The following GCNT4 variants were observed in gnomAD, a reference collection of about 807,000 sequenced individuals.
GCNT4 encodes glucosaminyl (N-acetyl) transferase 4.
A neutral mutation model predicts 31.3 loss-of-function variants in GCNT4; 17 were observed. The ratio of observed to expected loss-of-function variants is 0.54; its 90% CI spans 0.37 to 0.81. The LOEUF is 0.81. GCNT4 is among the 40% of genes least tolerant of loss of function. The pLI is 0.00. For synonymous variants in GCNT4, 158 were observed against 190.6 expected, an observed-to-expected ratio of 0.83 and a Z score of 1.41; for missense variants, 503 against 525.5, an observed-to-expected ratio of 0.96 and a Z score of 0.42.
chr5:75,034,601 G>A (rs977009115), intron 3 of GCNT4, among the ~76,000 whole-genome samples: 1 of 152,194 alleles, frequency 6.6e-6, no homozygotes, highest in African/African-American at 2.4e-5. Flanking sequence ...CCCCACCCAC[G>A]GGAGAAGCGG....
At chr5:75,032,878 T>TGG (rs1743100222) in intron 3 of GCNT4, among the ~76,000 whole-genome samples, 2 of 48,652 alleles carry the variant, frequency 4.1e-5, no homozygotes, top group South Asian at 5.4e-4. Flanking sequence ...TAGGGGTGTG[T>TGG]GTGTGTGTGT....
At position 75,028,759 on chromosome 5, in the gene GCNT4, T is replaced by C. The variant is rs1350733693; in HGVS notation, c.1279A>G (p.Lys427Glu). ...DPILIKCLAE[K>E]LEEQQRDWIT... ...CAGTCTCTCTGCTGTTCTTCAAGCT[T>C]TTCTGCCAAGCATTTAATCAAGATA... The change falls in exon 4 of 4, where the codon AAG (lysine) becomes GAG (glutamate). Residue 427 changes from lysine (K) to glutamate (E), a missense_variant. Transcript: ENST00000652361. The C allele has an allele frequency of 6.2e-7, 1 of 1,614,040 alleles. No homozygotes were observed. Among genetic ancestry groups the C allele is most frequent in the Non-Finnish European group, 8.5e-7 (1 of 1,179,988 alleles).
chr5:75,048,094 A>G (rs1368702603), intron 2 of GCNT4, 57 bp from the exon 3 acceptor site: 4 of 152,214 alleles, frequency 2.6e-5, no homozygotes, highest in African/African-American at 9.6e-5. Flanking sequence ...TTAAATGCAA[A>G]CAATGATTGC....
At chr5:75,050,236 A>C (rs577974532) in intron 2 of GCNT4, among the ~76,000 whole-genome samples, 21 of 152,258 alleles carry the variant, frequency 1.4e-4, no homozygotes, top group African/African-American at 5.1e-4. Context: ...GAAGTAAATC[A>C]CTCGCAGTCA....
rs1409694055 is a variant in GCNT4, at chr5:75,029,434, TG to T, written c.603del (p.Arg202AspfsTer6). The stretch of plus-strand genomic sequence containing the variant: ...AAGCAATTTAAATCAGCCTGGAGTC[TG>T]GAAATGTGGGCATATTCCACAGCCT... ...KLEAVEYAHISRLQADLNCLS... is the reference protein window; with the variant it reads ...KLEAVEYAHIXRLQADLNCLS... On this transcript the variant is annotated frameshift_variant, in exon 4 of 4. Coordinates refer to ENST00000652361, the MANE Select transcript of GCNT4 (RefSeq NM_001366737.1). LOFTEE classifies it high-confidence loss of function. The T allele has an allele frequency of 1.2e-6, 2 of 1,614,170 alleles. No individual in the cohort carries two copies. Among genetic ancestry groups the T allele is most frequent in the Admixed American group, 3.3e-5 (2 of 60,032 alleles).
chr5:75,022,913 A>C (rs1460120542), downstream of GCNT4, among the ~76,000 whole-genome samples: 1 of 152,190 alleles, frequency 6.6e-6, no homozygotes, highest in Admixed American at 6.5e-5. Flanking sequence ...AGCAAGAGAG[A>C]TGGGGAGAAG....
chr5:75,020,293 G>A, the GCNT4 span, among the ~76,000 whole-genome samples: 1 of 152,214 alleles, frequency 6.6e-6, no homozygotes, highest in Non-Finnish European at 1.5e-5. Flanking sequence ...GCATGGCACG[G>A]CACAGCTTGC....
intron 3 of GCNT4, among the ~76,000 whole-genome samples, chr5:75,044,677 T>A (rs184695190): frequency 1.8e-4 from 28 of 152,072 alleles, no homozygotes; most frequent in Non-Finnish European, 3.4e-4. Flanking sequence ...GCGTGCTGCA[T>A]GCACTCCCGC....
chr5:75,022,290 T>C (rs1742889089), downstream of GCNT4, among the ~76,000 whole-genome samples: 1 of 152,200 alleles, frequency 6.6e-6, no homozygotes, highest in South Asian at 2.1e-4. Flanking sequence ...ATTTGGTCAT[T>C]ATTTTAAAAA....
chr5:75,036,983 A>G (rs1437303502), intron 3 of GCNT4, among the ~76,000 whole-genome samples: 1 of 152,212 alleles, frequency 6.6e-6, no homozygotes, highest in African/African-American at 2.4e-5. Flanking sequence ...GCCACCTTAA[A>G]GTTCTTAAAC....
the GCNT4 span, among the ~76,000 whole-genome samples, chr5:75,017,091 A>T: frequency 2.0e-5 from 3 of 152,134 alleles, no homozygotes; most frequent in African/African-American, 7.2e-5. Flanking sequence ...AGCCAGTCTT[A>T]CTCATCCTCA....
chr5:75,043,500 T>C (rs564509782), intron 3 of GCNT4, among the ~76,000 whole-genome samples: 2 of 152,312 alleles, frequency 1.3e-5, no homozygotes, highest in East Asian at 3.9e-4. Context: ...AGTTTTCCTA[T>C]AGGAGCCTGA....
chr5:75,034,776 C>A (rs73765652), intron 3 of GCNT4, among the ~76,000 whole-genome samples: 1 of 152,216 alleles, frequency 6.6e-6, no homozygotes, highest in Admixed American at 6.5e-5. Context: ...TCAGTAAAAA[C>A]CTACTCCTCA....
At chr5:75,017,377 C>T in the GCNT4 span, 1 of 152,214 alleles carries the variant, frequency 6.6e-6, no homozygotes, top group African/African-American at 2.4e-5. Context: ...TAACTCAACA[C>T]TGCCCACAGT....
At chr5:75,034,533 GA>G (rs770469672) in intron 3 of GCNT4, among the ~76,000 whole-genome samples, 3 of 152,216 alleles carry the variant, frequency 2.0e-5, no homozygotes, top group Non-Finnish European at 4.4e-5. Context: ...TTATGGGCAG[GA>G]AGCAGGCAAG....
rs1743586926 is a variant in GCNT4 at position 75,052,218 on chromosome 5, G to C, written c.-192C>G. ...TAGCCCCAACTCTGTTAATCTTCTGGTTTGTTGTTCTTCCATTTTTAAAGA... is the reference window on the plus strand; with the variant it reads ...TAGCCCCAACTCTGTTAATCTTCTGCTTTGTTGTTCTTCCATTTTTAAAGA... On this transcript the variant is annotated 5_prime_UTR_variant, in exon 2 of 4. Transcript: ENST00000652361. 7.1e-6 allele frequency: 1 copy of C among 140,406 alleles called. No homozygotes were observed. Among genetic ancestry groups the C allele is most frequent in the Non-Finnish European group, 1.5e-5 (1 of 65,432 alleles). 8.7% of individuals were successfully genotyped at this position (140,406 alleles called of 1,614,324 possible).
At chr5:75,018,062 C>A in the GCNT4 span, among the ~76,000 whole-genome samples, 4 of 152,062 alleles carry the variant, frequency 2.6e-5, no homozygotes, top group Non-Finnish European at 5.9e-5. Flanking sequence ...TTTAAAAGAC[C>A]CACAAGTAAG....
At chr5:75,032,877 GTGTGT>G (rs1561374234) in intron 3 of GCNT4, among the ~76,000 whole-genome samples, 1,509 of 76,594 alleles carry the variant, frequency 0.02, 28 homozygotes, top group South Asian at 0.035. Flanking sequence ...ATAGGGGTGT[GTGTGT>G]GTGTGTGTGT....
downstream of GCNT4, chr5:75,023,995 G>T (rs1277080990): frequency 6.6e-6 from 1 of 152,130 alleles, no homozygotes; most frequent in Admixed American, 6.5e-5. Flanking sequence ...GTCCACGTGG[G>T]TTAACACCCT....
Sources: gnomAD v4.1 joint callset for allele counts (sites outside exome capture counted in the v4.1 genomes callset) on GRCh38, gnomAD v4.1.1 for gene constraint, MANE v1.5 for transcripts, NCBI Gene and HGNC (gene_info 2026-07-23, HGNC 2026-07-21) for gene names.